The following FHIT variants were observed in gnomAD, a reference collection of about 807,000 sequenced individuals.
FHIT encodes the protein fragile histidine triad diadenosine triphosphatase, also known as bis(5'-adenosyl)-triphosphatase.
Under a neutral mutation model 17.9 loss-of-function variants are expected in FHIT, and 19 were observed. That is an observed-to-expected ratio of 1.06 (90% CI 0.74 to 1.56). The LOEUF is 1.56. FHIT is among the 40% of genes most tolerant of loss of function. The pLI is 0.00. For missense variants in FHIT, 248 were observed against 189.2 expected (o/e 1.31, Z -1.82); for synonymous variants, 81 against 69.7 (o/e 1.16, Z -0.81).
intron 5 of FHIT, among the ~76,000 whole-genome samples, chr3:60,433,274 G>T (rs1029554363): frequency 2.0e-5 from 3 of 151,996 alleles, no homozygotes; most frequent in African/African-American, 2.4e-5. Flanking sequence ...ATATATGTGG[G>T]GGGTGTACTA....
intron 3 of FHIT, among the ~76,000 whole-genome samples, chr3:60,847,972 A>C (rs1375257853): frequency 6.6e-6 from 1 of 152,182 alleles, no homozygotes; most frequent in Non-Finnish European, 1.5e-5. Context: ...AATGCAACTC[A>C]GTCACTTCCT....
At chr3:60,654,615 C>T (rs2040073284) in intron 4 of FHIT, among the ~76,000 whole-genome samples, 1 of 151,922 alleles carries the variant, frequency 6.6e-6, no homozygotes. Context: ...ATATATATTA[C>T]AGAAACTAAA....
chr3:61,211,572 G>C (rs1240449716), intron 1 of FHIT, among the ~76,000 whole-genome samples: 1 of 152,312 alleles, frequency 6.6e-6, no homozygotes, highest in African/African-American at 2.4e-5. Flanking sequence ...CACCTCTGGG[G>C]GCAGGGCACA....
intron 5 of FHIT, among the ~76,000 whole-genome samples, chr3:60,472,190 G>T (rs146501644): frequency 6.6e-6 from 1 of 151,070 alleles, no homozygotes; most frequent in Admixed American, 6.6e-5. Flanking sequence ...AACAGCAAGA[G>T]GAAAGATATA....
chr3:60,198,702 G>A (rs35861160), intron 5 of FHIT, among the ~76,000 whole-genome samples: 18,070 of 152,022 alleles, frequency 0.12, 1,452 homozygotes, highest in East Asian at 0.31. Context: ...CAAGGGAGGC[G>A]GTGCAGCTCT....
chr3:60,909,198 G>A (rs374311820), intron 3 of FHIT, among the ~76,000 whole-genome samples: 2 of 151,866 alleles, frequency 1.3e-5, no homozygotes, highest in East Asian at 1.9e-4. Context: ...GTGAAACTCC[G>A]TCTCTACTAA....
At chr3:60,293,683 C>G (rs1473325995) in intron 5 of FHIT, among the ~76,000 whole-genome samples, 1 of 152,060 alleles carries the variant, frequency 6.6e-6, no homozygotes, top group African/African-American at 2.4e-5. Context: ...GAAAGTGTAG[C>G]TCTTAGGCTT....
intron 1 of FHIT, among the ~76,000 whole-genome samples, chr3:61,247,197 G>A (rs182210672): frequency 4.6e-5 from 7 of 152,210 alleles, no homozygotes; most frequent in Middle Eastern, 3.4e-3. Flanking sequence ...GAGGGCCTCC[G>A]CTGTTTCCTT....
intron 4 of FHIT, among the ~76,000 whole-genome samples, chr3:60,818,224 T>A (rs1266698589): frequency 1.3e-5 from 2 of 152,212 alleles, no homozygotes; most frequent in African/African-American, 4.8e-5. Flanking sequence ...ATTTGGCTCA[T>A]CTTGGAATTG....
intron 5 of FHIT, among the ~76,000 whole-genome samples, chr3:60,374,433 CA>C (rs1434550896): frequency 6.6e-6 from 1 of 151,552 alleles, no homozygotes; most frequent in East Asian, 1.9e-4. Flanking sequence ...CATCATTAAA[CA>C]GGACTAAAAG....
At chr3:59,792,924 T>A (rs1699629397) in intron 8 of FHIT, among the ~76,000 whole-genome samples, 1 of 151,408 alleles carries the variant, frequency 6.6e-6, no homozygotes, top group Non-Finnish European at 1.5e-5. Flanking sequence ...ATGGGTGATG[T>A]GCTCCTCTCT....
chr3:60,644,280 A>G (rs965009491), intron 4 of FHIT, among the ~76,000 whole-genome samples: 3 of 152,176 alleles, frequency 2.0e-5, no homozygotes, highest in Non-Finnish European at 1.5e-5. Context: ...TTGCCCCACA[A>G]TATTTTTGTT....
chr3:60,859,700 A>C (rs536208371), intron 3 of FHIT, among the ~76,000 whole-genome samples: 1 of 128,184 alleles, frequency 7.8e-6, no homozygotes, highest in African/African-American at 3.0e-5. Flanking sequence ...CTTCAGAAAC[A>C]TTTGCAGTGG....
intron 8 of FHIT, among the ~76,000 whole-genome samples, chr3:59,753,801 G>A (rs1372441964): frequency 1.3e-5 from 2 of 151,972 alleles, no homozygotes; most frequent in Non-Finnish European, 1.5e-5. Context: ...TTCATACCCC[G>A]GTCCAAAGAT....
chr3:60,744,973 T>C (rs1445125502), intron 4 of FHIT, among the ~76,000 whole-genome samples: 1 of 152,104 alleles, frequency 6.6e-6, no homozygotes, highest in Non-Finnish European at 1.5e-5. Flanking sequence ...AGGGGCTGGG[T>C]GCAGTGGCTC....
At chr3:60,038,185 T>A (rs1331820877) in intron 5 of FHIT, among the ~76,000 whole-genome samples, 2 of 152,238 alleles carry the variant, frequency 1.3e-5, no homozygotes, top group East Asian at 3.8e-4. Flanking sequence ...CTGCCACATG[T>A]ACACATAATT....
At chr3:60,597,023 T>G (rs1313361597) in intron 4 of FHIT, among the ~76,000 whole-genome samples, 1 of 152,148 alleles carries the variant, frequency 6.6e-6, no homozygotes, top group Non-Finnish European at 1.5e-5. Context: ...ACATACTGCT[T>G]CCCAAATTAT....
intron 2 of FHIT, among the ~76,000 whole-genome samples, chr3:61,143,139 T>A (rs1232921425): frequency 1.3e-5 from 2 of 152,126 alleles, no homozygotes; most frequent in African/African-American, 4.8e-5. Flanking sequence ...GCTTTTTAAA[T>A]TACAATAATA....
At chr3:60,584,214 A>T (rs1553660824) in intron 4 of FHIT, among the ~76,000 whole-genome samples, 2 of 152,184 alleles carry the variant, frequency 1.3e-5, no homozygotes, top group Non-Finnish European at 2.9e-5. Context: ...TGAGTTGATA[A>T]CCTGAAATTG....
Sources: gnomAD v4.1 joint callset for allele counts (sites outside exome capture counted in the v4.1 genomes callset) on GRCh38, gnomAD v4.1.1 for gene constraint, MANE v1.5 for transcripts, NCBI Gene and HGNC (gene_info 2026-07-23, HGNC 2026-07-21) for gene names.